Variants in EPHA6 observed in about 807,000 individuals in gnomAD.
The protein encoded by EPHA6 is ephrin type-A receptor 6.
Under a neutral mutation model 112.0 loss-of-function variants are expected in EPHA6, and 50 were observed. The ratio of observed to expected loss-of-function variants is 0.45; its 90% CI spans 0.36 to 0.56. EPHA6 has a LOEUF of 0.56. EPHA6 is among the 20% of genes least tolerant of loss of function. The pLI is 0.00. For synonymous variants in EPHA6, 529 were observed against 490.7 expected (o/e 1.08, Z -1.03); for missense variants, 1,280 against 1,417.4 (o/e 0.90, Z 1.56).
At chr3:96,958,981 A>C (rs1427950057) in intron 2 of EPHA6, among the ~76,000 whole-genome samples, 5 of 152,188 alleles carry the variant, frequency 3.3e-5, no homozygotes, top group Non-Finnish European at 7.3e-5. Flanking sequence ...ATTCATGTAC[A>C]AGTTTTTGTA....
intron 5 of EPHA6, among the ~76,000 whole-genome samples, chr3:97,301,284 T>C (rs2081080144): frequency 6.6e-6 from 1 of 152,156 alleles, no homozygotes; most frequent in African/African-American, 2.4e-5. Flanking sequence ...ATTTGTCAAA[T>C]TGTCTTCTAG....
chr3:97,693,889 AATC>A (rs756721465), intron 14 of EPHA6, among the ~76,000 whole-genome samples: 2 of 152,270 alleles, frequency 1.3e-5, no homozygotes, highest in Non-Finnish European at 2.9e-5. Context: ...CTATTATTAT[AATC>A]ATCATCATCA....
intron 1 of EPHA6, among the ~76,000 whole-genome samples, chr3:96,848,764 A>G (rs1054398653): frequency 2.0e-5 from 3 of 152,144 alleles, no homozygotes; most frequent in African/African-American, 7.2e-5. Context: ...ATATGCTTAA[A>G]AAATAAGATG....
At chr3:96,864,118 A>G (rs1258620226) in intron 1 of EPHA6, among the ~76,000 whole-genome samples, 1 of 152,082 alleles carries the variant, frequency 6.6e-6, no homozygotes, top group Admixed American at 6.6e-5. Flanking sequence ...ACATTTCCCT[A>G]TTGTGAATCT....
intron 12 of EPHA6, among the ~76,000 whole-genome samples, chr3:97,600,016 CT>C (rs1415574230): frequency 2.6e-5 from 4 of 151,634 alleles, no homozygotes; most frequent in African/African-American, 7.3e-5. Flanking sequence ...GTATTTTATT[CT>C]CTTTGAAGCA....
intron 1 of EPHA6, among the ~76,000 whole-genome samples, chr3:96,831,060 A>C (rs2034042007): frequency 1.3e-5 from 2 of 152,140 alleles, no homozygotes; most frequent in Non-Finnish European, 2.9e-5. Flanking sequence ...ATTTAAGAAA[A>C]ATAATTGCTT....
At chr3:97,472,352 C>A (rs1053389331) in intron 7 of EPHA6, among the ~76,000 whole-genome samples, 3 of 151,254 alleles carry the variant, frequency 2.0e-5, no homozygotes, top group East Asian at 3.9e-4. Context: ...TCTAAACAAC[C>A]AGAAAAAAAA....
At chr3:97,564,705 T>C (rs2093237755) in intron 11 of EPHA6, among the ~76,000 whole-genome samples, 1 of 152,046 alleles carries the variant, frequency 6.6e-6, no homozygotes, top group African/African-American at 2.4e-5. Context: ...GAAAAGAAGA[T>C]GTGAATTGCA....
intron 3 of EPHA6, among the ~76,000 whole-genome samples, chr3:97,022,611 C>CTCAA (rs2107985477): frequency 6.6e-6 from 1 of 152,290 alleles, no homozygotes; most frequent in Admixed American, 6.5e-5. Flanking sequence ...TCTTACTTGA[C>CTCAA]TCAATCAGAT....
chr3:97,384,111 A>G (rs932343796), intron 5 of EPHA6, among the ~76,000 whole-genome samples: 1 of 152,202 alleles, frequency 6.6e-6, no homozygotes, highest in Admixed American at 6.6e-5. Context: ...TGGCTGTTTT[A>G]TGACTATTAT....
intron 10 of EPHA6, among the ~76,000 whole-genome samples, chr3:97,518,577 A>G (rs1220154265): frequency 6.6e-6 from 1 of 151,000 alleles, no homozygotes; most frequent in Non-Finnish European, 1.5e-5. Context: ...CATAGTGGCT[A>G]TACTAATTTA....
At chr3:97,284,058 TA>T in intron 5 of EPHA6, among the ~76,000 whole-genome samples, 1 of 152,286 alleles carries the variant, frequency 6.6e-6, no homozygotes, top group South Asian at 2.1e-4. Context: ...ACCTTTTGCT[TA>T]ACTCAATGCA....
chr3:97,572,077 G>A (rs959495430), intron 11 of EPHA6, among the ~76,000 whole-genome samples: 1 of 149,358 alleles, frequency 6.7e-6, no homozygotes, highest in Non-Finnish European at 1.5e-5. Flanking sequence ...TAAAGTAGAA[G>A]TTTTCTTGGA....
chr3:97,673,490 A>T (rs1334669634), intron 14 of EPHA6, among the ~76,000 whole-genome samples: 3 of 152,226 alleles, frequency 2.0e-5, no homozygotes, highest in Non-Finnish European at 2.9e-5. Context: ...CTTTGTGATT[A>T]TCCAGCCAAA....
At chr3:96,979,005 C>A (rs554228697) in intron 2 of EPHA6, among the ~76,000 whole-genome samples, 2 of 152,024 alleles carry the variant, frequency 1.3e-5, no homozygotes, top group East Asian at 1.9e-4. Context: ...ATGGTTAATG[C>A]TTTTTGTTAA....
At chr3:97,713,578 T>G (rs533139780) in intron 14 of EPHA6, among the ~76,000 whole-genome samples, 6 of 152,328 alleles carry the variant, frequency 3.9e-5, no homozygotes, top group South Asian at 2.1e-4. Flanking sequence ...GGTAAGAGTG[T>G]TTTTAATCTG....
rs2035980929 is a variant in EPHA6, at chr3:97,754,629, A to G, written c.*5928A>G. Among the ~76,000 whole-genome samples, 2 of 152,252 alleles carry G rather than the reference A, an allele frequency of 1.3e-5. No homozygotes were observed. Among genetic ancestry groups the G allele is most frequent in the Non-Finnish European group, 2.9e-5 (2 of 68,046 alleles). On this transcript the variant is annotated 3_prime_UTR_variant, in exon 18 of 18. Coordinates refer to ENST00000389672, the MANE Select transcript of EPHA6 (RefSeq NM_001080448.3). Reference sequence around the variant, plus strand: ...TTTTAAAAAGGAATCTGTCAACTGCAAAGTTTGTATATCTCAGTGACATCA... The same window carrying G: ...TTTTAAAAAGGAATCTGTCAACTGCGAAGTTTGTATATCTCAGTGACATCA...
intron 3 of EPHA6, among the ~76,000 whole-genome samples, chr3:97,195,513 GAGT>G (rs2077416143): frequency 6.6e-6 from 1 of 152,004 alleles, no homozygotes; most frequent in Non-Finnish European, 1.5e-5. Context: ...GTCAAGAGAT[GAGT>G]AGTTTATACA....
At chr3:97,135,740 T>TAAAAAAAAA (rs58000616) in intron 3 of EPHA6, among the ~76,000 whole-genome samples, 1 of 119,718 alleles carries the variant, frequency 8.4e-6, no homozygotes. Context: ...ATGGCAAGAT[T>TAAAAAAAAA]AAAAAAAAAA....
Sources: gnomAD v4.1 joint callset for allele counts (sites outside exome capture counted in the v4.1 genomes callset) on GRCh38, gnomAD v4.1.1 for gene constraint, MANE v1.5 for transcripts, NCBI Gene and HGNC (gene_info 2026-07-23, HGNC 2026-07-21) for gene names.